The following TMEM132C variants were observed in gnomAD, a reference collection of about 807,000 sequenced individuals.
TMEM132C encodes the protein protein phosphatase 1, regulatory subunit 152.
TMEM132C carries 29 observed loss-of-function variants against 61.4 expected under a neutral mutation model. The ratio of observed to expected loss-of-function variants is 0.47; its 90% CI spans 0.35 to 0.64. TMEM132C has a LOEUF of 0.64. Ranked by LOEUF, TMEM132C falls within the 30% of genes least tolerant of loss-of-function variation. The pLI is 0.00. For synonymous variants in TMEM132C, 656 were observed against 633.1 expected (o/e 1.04, Z -0.54); for missense variants, 1,408 against 1,476.9 (o/e 0.95, Z 0.76).
At chr12:128,663,839 C>A (rs1189261381) in intron 4 of TMEM132C, among the ~76,000 whole-genome samples, 4 of 151,886 alleles carry the variant, frequency 2.6e-5, no homozygotes, top group East Asian at 1.9e-4. Context: ...CACACCCACC[C>A]ACATGCACGC....
At chr12:128,527,625 G>A (rs763367527) in intron 2 of TMEM132C, among the ~76,000 whole-genome samples, 2 of 152,114 alleles carry the variant, frequency 1.3e-5, no homozygotes, top group Non-Finnish European at 2.9e-5. Flanking sequence ...AGTAACTCTT[G>A]ACCAAAGAGA....
intron 1 of TMEM132C, among the ~76,000 whole-genome samples, chr12:128,311,553 C>T (rs1376891840): frequency 1.3e-5 from 2 of 152,344 alleles, no homozygotes; most frequent in South Asian, 2.1e-4. Context: ...AGTGACAGCA[C>T]CAAATGTTGA....
intron 4 of TMEM132C, among the ~76,000 whole-genome samples, chr12:128,652,412 A>G (rs1308633509): frequency 6.6e-6 from 1 of 152,172 alleles, no homozygotes; most frequent in African/African-American, 2.4e-5. Context: ...GGACCCAACA[A>G]AGAACTCCTG....
chr12:128,598,070 C>CT (rs894230434), intron 3 of TMEM132C, among the ~76,000 whole-genome samples: 9 of 152,142 alleles, frequency 5.9e-5, no homozygotes, highest in African/African-American at 2.2e-4. Flanking sequence ...AAGACTGTTT[C>CT]TTTTTTAAAG....
In TMEM132C at chr12:128,460,941, G is replaced by T. The variant is rs531006064; in HGVS notation, c.974+45321G>T. 2.8e-4 allele frequency among the ~76,000 whole-genome samples: 43 copies of T among 152,260 alleles called. 1 individual carries two copies. Among genetic ancestry groups the T allele is most frequent in the African/African-American group, 1.0e-3 (42 of 41,558 alleles). ...GCTACCCAGGGCTCAGGCCTGCCAC[G>T]GTGACTTAACTTGAAAATGAGTAGC... On this transcript the variant is annotated intron_variant, in intron 2 of 8. Coordinates refer to ENST00000435159, the MANE Select transcript of TMEM132C (RefSeq NM_001136103.3).
intron 1 of TMEM132C, among the ~76,000 whole-genome samples, chr12:128,375,248 G>GT (rs1874158444): frequency 6.6e-6 from 1 of 152,138 alleles, no homozygotes; most frequent in African/African-American, 2.4e-5. Context: ...GGCGGGAGCT[G>GT]TTGTCACAGG....
intron 2 of TMEM132C, among the ~76,000 whole-genome samples, chr12:128,472,263 C>T (rs559176890): frequency 4.1e-4 from 62 of 152,270 alleles, no homozygotes; most frequent in African/African-American, 1.4e-3. Flanking sequence ...CAGCCCCATG[C>T]GTCTTTTCAC....
At chr12:128,535,621 C>A (rs1182500843) in intron 2 of TMEM132C, among the ~76,000 whole-genome samples, 3 of 152,128 alleles carry the variant, frequency 2.0e-5, no homozygotes, top group African/African-American at 7.2e-5. Flanking sequence ...GTAATCCCAG[C>A]CCTTTGGGAA....
chr12:128,664,046 A>G (rs1291815250), intron 4 of TMEM132C, among the ~76,000 whole-genome samples: 1 of 105,502 alleles, frequency 9.5e-6, no homozygotes, highest in Non-Finnish European at 2.0e-5. Context: ...ACACGCACGC[A>G]CGCGGGCACT....
chr12:128,327,718 G>T (rs1292192407), intron 1 of TMEM132C, among the ~76,000 whole-genome samples: 2 of 152,012 alleles, frequency 1.3e-5, no homozygotes, highest in African/African-American at 4.8e-5. Context: ...GAGATAGAAG[G>T]CATCAATCAA....
intron 2 of TMEM132C, among the ~76,000 whole-genome samples, chr12:128,538,325 T>C (rs975337655): frequency 8.5e-5 from 13 of 152,204 alleles, no homozygotes; most frequent in Non-Finnish European, 2.9e-5. Context: ...GGTTTCACCA[T>C]GTTGGCCAGG....
At chr12:128,469,538 A>T (rs1367369962) in intron 2 of TMEM132C, among the ~76,000 whole-genome samples, 1 of 151,888 alleles carries the variant, frequency 6.6e-6, no homozygotes, top group East Asian at 1.9e-4. Context: ...GCTGATCTCA[A>T]ACTCCTGAAC....
In TMEM132C at chr12:128,447,742, C is replaced by T. The variant is rs555034947; in HGVS notation, c.974+32122C>T. The stretch of plus-strand genomic sequence containing the variant: ...TTTTTTTTTTTTTTTTTTTTTGAGA[C>T]GGAGTCTCGCTCTGTCGCCCAGGCC... On this transcript the variant is annotated intron_variant, in intron 2 of 8. Coordinates refer to ENST00000435159, the MANE Select transcript of TMEM132C (RefSeq NM_001136103.3). 5.4e-4 allele frequency among the ~76,000 whole-genome samples: 28 copies of T among 51,688 alleles called. 4 individuals carry two copies. Among genetic ancestry groups the T allele is most frequent in the African/African-American group, 3.3e-3 (19 of 5,828 alleles). 33.9% of individuals were successfully genotyped at this position (51,688 alleles called of 152,430 possible).
At chr12:128,557,934 GC>G (rs1280277830) in intron 3 of TMEM132C, among the ~76,000 whole-genome samples, 1 of 152,238 alleles carries the variant, frequency 6.6e-6, no homozygotes, top group East Asian at 1.9e-4. Context: ...TAACAACGTG[GC>G]CTCTTGAGCC....
chr12:128,505,790 C>T (rs911785242), intron 2 of TMEM132C, among the ~76,000 whole-genome samples: 1 of 152,168 alleles, frequency 6.6e-6, no homozygotes, highest in Admixed American at 6.5e-5. Context: ...TTCAAATTCT[C>T]CATATAGAGG....
At chr12:128,698,110 G>C (rs944771737) in intron 8 of TMEM132C, among the ~76,000 whole-genome samples, 1 of 152,134 alleles carries the variant, frequency 6.6e-6, no homozygotes, top group Non-Finnish European at 1.5e-5. Flanking sequence ...TCTATCCCCA[G>C]TGACCATCAC....
intron 1 of TMEM132C, among the ~76,000 whole-genome samples, chr12:128,341,713 C>T (rs1223807555): frequency 6.6e-6 from 1 of 152,174 alleles, no homozygotes; most frequent in African/African-American, 2.4e-5. Context: ...ATGGCTTGAA[C>T]TGGTGCAGCC....
intron 2 of TMEM132C, among the ~76,000 whole-genome samples, chr12:128,458,332 A>G (rs1050183436): frequency 6.7e-6 from 1 of 148,930 alleles, no homozygotes; most frequent in Admixed American, 6.7e-5. Context: ...CATATTTATT[A>G]TAGTATATAT....
At chr12:128,391,690 A>G (rs1222033292) in intron 1 of TMEM132C, among the ~76,000 whole-genome samples, 1 of 152,194 alleles carries the variant, frequency 6.6e-6, no homozygotes, top group East Asian at 1.9e-4. Flanking sequence ...TTCCACAGAT[A>G]GGAAAACTAA....
Sources: gnomAD v4.1 joint callset for allele counts (sites outside exome capture counted in the v4.1 genomes callset) on GRCh38, gnomAD v4.1.1 for gene constraint, MANE v1.5 for transcripts, NCBI Gene and HGNC (gene_info 2026-07-23, HGNC 2026-07-21) for gene names.